Variants in FNBP1L observed in about 807,000 individuals in gnomAD.
FNBP1L encodes the protein formin-binding protein 1-like.
A neutral mutation model predicts 91.2 loss-of-function variants in FNBP1L; 36 were observed. That is an observed-to-expected ratio of 0.39 (90% CI 0.30 to 0.52). The LOEUF is 0.52. FNBP1L is among the 20% of genes least tolerant of loss of function. The pLI is 0.66. For missense variants in FNBP1L, 571 were observed against 732.1 expected (o/e 0.78, Z 2.54); for synonymous variants, 242 against 237.0 (o/e 1.02, Z -0.19).
chr1:93,519,757 T>G (rs1344885678), intron 2 of FNBP1L, among the ~76,000 whole-genome samples: 1 of 152,144 alleles, frequency 6.6e-6, no homozygotes, highest in Non-Finnish European at 1.5e-5. Context: ...TGAGACCAGC[T>G]TGGGCAACAT....
intron 14 of FNBP1L, 144 bp downstream of exon 14, chr1:93,547,585 TC>T (rs1370724575): frequency 7.3e-5 from 48 of 659,196 alleles, no homozygotes; most frequent in Non-Finnish European, 1.1e-4. Flanking sequence ...TAAGTAATTT[TC>T]TTTAGTGATA....
intron 10 of FNBP1L, among the ~76,000 whole-genome samples, chr1:93,537,042 A>C (rs1671872607): frequency 6.6e-6 from 1 of 152,074 alleles, no homozygotes; most frequent in African/African-American, 2.4e-5. Flanking sequence ...TAAATTGTAA[A>C]GCCTACAAAA....
At position 93,503,184 on chromosome 1, in the gene FNBP1L, G is replaced by A. The variant is rs565028016; in HGVS notation, c.140+3601G>A. 7.9e-5 allele frequency among the ~76,000 whole-genome samples: 12 copies of A among 152,230 alleles called. No individual in the cohort carries two copies. The South Asian group carries it at 2.5e-3, about 32-fold the overall frequency. On this transcript the variant is annotated intron_variant, in intron 2 of 16. Transcript: ENST00000271234. ...GTTTAATTGACTCACAGTTCAGCAT[G>A]GCTGGGGAGGCCTCAGTAAACTTAT...
At chr1:93,525,112 G>A (rs1364245057) in intron 5 of FNBP1L, among the ~76,000 whole-genome samples, 1 of 150,776 alleles carries the variant, frequency 6.6e-6, no homozygotes, top group African/African-American at 2.4e-5. Flanking sequence ...TGTAGTATAA[G>A]ATACTCTTTT....
chr1:93,505,355 A>G (rs940713768), intron 2 of FNBP1L, among the ~76,000 whole-genome samples: 4 of 152,192 alleles, frequency 2.6e-5, no homozygotes, highest in African/African-American at 9.6e-5. Context: ...AGGGTCATTT[A>G]TAACCTGAGG....
rs898462559 is a variant in FNBP1L at position 93,501,946 on chromosome 1, GA to G, written c.140+2374del. ...GTTTGCACAAAACTCTTCATTGCAG[GA>G]AAAAAAAAAAGTTTCTGGTTGTAAA... On this transcript the variant is annotated intron_variant, in intron 2 of 16. Coordinates refer to ENST00000271234, the MANE Select transcript of FNBP1L (RefSeq NM_001164473.3). 7.4e-4 allele frequency among the ~76,000 whole-genome samples: 107 copies of G among 144,642 alleles called. No individual in the cohort carries two copies. In the South Asian group the frequency reaches 8.7e-3, roughly 12 times the overall value. 94.9% of individuals were successfully genotyped at this position (144,642 alleles called of 152,430 possible).
At chr1:93,476,707 G>C (rs369202494) in intron 1 of FNBP1L, among the ~76,000 whole-genome samples, 2 of 148,160 alleles carry the variant, frequency 1.3e-5, no homozygotes, top group South Asian at 4.2e-4. Flanking sequence ...GTGGGCAGAG[G>C]GGGGGAGTTC....
intron 1 of FNBP1L, among the ~76,000 whole-genome samples, chr1:93,477,821 G>C (rs1669550787): frequency 6.6e-6 from 1 of 152,166 alleles, no homozygotes; most frequent in Admixed American, 6.5e-5. Flanking sequence ...GCATTTTGTG[G>C]TTAAAACATT....
At chr1:93,539,565 A>AAT (rs1490101862) in intron 10 of FNBP1L, among the ~76,000 whole-genome samples, 1 of 152,102 alleles carries the variant, frequency 6.6e-6, no homozygotes, top group Non-Finnish European at 1.5e-5. Flanking sequence ...TCTCTAAAAT[A>AAT]TTAATATAGA....
At chr1:93,529,163 A>G (rs895841852) in intron 5 of FNBP1L, among the ~76,000 whole-genome samples, 6 of 152,074 alleles carry the variant, frequency 3.9e-5, no homozygotes, top group Non-Finnish European at 1.5e-5. Context: ...AAAAAACACC[A>G]AACCAAAAAA....
intron 2 of FNBP1L, among the ~76,000 whole-genome samples, chr1:93,510,933 C>G (rs1670814680): frequency 6.6e-6 from 1 of 152,020 alleles, no homozygotes; most frequent in Admixed American, 6.6e-5. Flanking sequence ...CGAACAAAGC[C>G]TCGAAGAAAT....
chr1:93,507,107 ACTCTCTCT>A lies in FNBP1L; in HGVS notation c.140+7561_140+7568del, dbSNP rs545137195. Among the ~76,000 whole-genome samples, 173 of 45,434 alleles carry A rather than the reference ACTCTCTCT, an allele frequency of 3.8e-3. 1 individual carries two copies. Among genetic ancestry groups the A allele is most frequent in the Non-Finnish European group, 4.6e-3 (112 of 24,578 alleles). 29.8% of individuals were successfully genotyped at this position (45,434 alleles called of 152,430 possible). ...CACACACACACACACACACACACAC[ACTCTCTCT>A]CTCTCTCTCTCTCTCTCTCTCTCTC... On this transcript the variant is annotated intron_variant, in intron 2 of 16. Transcript: ENST00000271234.
At chr1:93,456,373 A>T (rs1183766199) in intron 1 of FNBP1L, among the ~76,000 whole-genome samples, 2 of 152,170 alleles carry the variant, frequency 1.3e-5, no homozygotes, top group Admixed American at 6.5e-5. Flanking sequence ...GAATCAGTGT[A>T]TAGAGTGAGA....
chr1:93,534,058 G>A (rs1671767959), intron 8 of FNBP1L, among the ~76,000 whole-genome samples: 1 of 152,036 alleles, frequency 6.6e-6, no homozygotes, highest in Non-Finnish European at 1.5e-5. Flanking sequence ...GTAGAGGTAT[G>A]TATGTCTAAA....
chr1:93,524,282 G>A lies in FNBP1L; in HGVS notation c.364G>A (p.Ala122Thr). The change falls in exon 5 of 17, where the codon GCT (alanine) becomes ACT (threonine). Residue 122 changes from alanine to threonine, a missense_variant. This residue lies in a region of FNBP1L where 220 missense variants were observed against 313.6 expected (regional missense o/e 0.70). Coordinates refer to ENST00000271234, the MANE Select transcript of FNBP1L (RefSeq NM_001164473.3). ...RKMHLQEGRK[A>T]QQYLDMCWKQ... ...TCAGCATCTGCAAGAAGGACGAAAA[G>A]CTCAACAATATCTTGACATGTGCTG... The A allele has an allele frequency of 6.6e-7, 1 of 1,508,320 alleles. No individual in the cohort carries two copies. Among genetic ancestry groups the A allele is most frequent in the Non-Finnish European group, 8.9e-7 (1 of 1,126,660 alleles). The allele number at this position is 1,508,320 out of a possible 1,614,324, so 93.4% of individuals were successfully genotyped here.
chr1:93,516,354 C>T (rs1422287969), intron 2 of FNBP1L, among the ~76,000 whole-genome samples: 1 of 152,184 alleles, frequency 6.6e-6, no homozygotes, highest in African/African-American at 2.4e-5. Flanking sequence ...ACCCCCTTTA[C>T]CTGTTAAAAG....
intron 1 of FNBP1L, among the ~76,000 whole-genome samples, chr1:93,483,034 CAAAA>C (rs1208579274): frequency 7.6e-6 from 1 of 131,126 alleles, no homozygotes; most frequent in Non-Finnish European, 1.7e-5. Flanking sequence ...ACAAAAAAAA[CAAAA>C]AACAAAAAGT....
At chr1:93,545,467 C>T (rs1672191735) in intron 12 of FNBP1L, among the ~76,000 whole-genome samples, 1 of 152,026 alleles carries the variant, frequency 6.6e-6, no homozygotes, top group Non-Finnish European at 1.5e-5. Flanking sequence ...GGAATTAGTG[C>T]TAATCCAGAG....
intron 12 of FNBP1L, among the ~76,000 whole-genome samples, chr1:93,544,911 CTG>C (rs926502530): frequency 1.3e-5 from 2 of 152,148 alleles, no homozygotes; most frequent in African/African-American, 4.8e-5. Flanking sequence ...TGTAAAGTCA[CTG>C]TGAACACTAA....
Sources: allele counts gnomAD v4.1 joint callset (sites outside exome capture counted in the v4.1 genomes callset), GRCh38; gene constraint gnomAD v4.1.1; regional missense constraint gnomAD v4.1.1; transcripts MANE v1.5; gene names NCBI Gene and HGNC (gene_info 2026-07-23, HGNC 2026-07-21).